The following AHNAK2 variants were observed in gnomAD, a reference collection of about 807,000 sequenced individuals.
AHNAK2 encodes the protein protein AHNAK2.
A neutral mutation model predicts 30.7 loss-of-function variants in AHNAK2; 18 were observed. The observed-to-expected ratio is 0.59, with a 90% CI of 0.41 to 0.87. AHNAK2 has a LOEUF of 0.87. AHNAK2 is among the 40% of genes least tolerant of loss of function. AHNAK2 has a pLI of 0.00. For missense variants in AHNAK2, 8,604 were observed against 7,373.0 expected, an observed-to-expected ratio of 1.17 and a Z score of -6.11; for synonymous variants, 3,590 against 3,073.8, an observed-to-expected ratio of 1.17 and a Z score of -5.56.
chr14:104,955,912 G>A (rs893532645), intron 4 of AHNAK2, among the ~76,000 whole-genome samples: 3 of 152,258 alleles, frequency 2.0e-5, no homozygotes, highest in Non-Finnish European at 4.4e-5. Flanking sequence ...AGGGCACCAG[G>A]AGCAGCGCAG....
At position 104,942,878 on chromosome 14, in the gene AHNAK2, C is replaced by G; in HGVS notation, c.12573G>C (p.Glu4191Asp). The G allele has an allele frequency of 1.2e-6, 2 of 1,612,910 alleles. No individual in the cohort carries two copies. The highest frequency in any genetic ancestry group is 1.3e-5 in the African/African-American group (1 of 74,780). ...TCACGTCCACTTGGCCAGCCTGGACCTCCAGGTCGGCGGAAGGGGACTGAA... is the reference window on the plus strand; with the variant it reads ...TCACGTCCACTTGGCCAGCCTGGACGTCCAGGTCGGCGGAAGGGGACTGAA... ...LSIQSPSADL[E>D]VQAGQVDVKL... The change falls in exon 7 of 7, where the codon GAG becomes GAC. Residue 4191 changes from glutamate to aspartate, a missense_variant. Transcript: ENST00000333244.
In AHNAK2 at chr14:104,939,926, G is replaced by A; in HGVS notation, c.15525C>T (p.Ser5175=). 1 of 1,612,324 alleles carries A rather than the reference G, an allele frequency of 6.2e-7. No homozygotes were observed. The highest frequency in any genetic ancestry group is 1.3e-5 in the African/African-American group (1 of 75,048). ...KPDAEVLTVE[S]PEEEAMTKYS... The stretch of plus-strand genomic sequence containing the variant: ...ACTTGGTCATGGCTTCCTCCTCTGG[G>A]CTTTCCACTGTGAGGACTTCAGCAT... The change falls in exon 7 of 7, where the codon AGC becomes AGT. Residue 5175 remains serine (S), a synonymous_variant. Coordinates refer to ENST00000333244, the MANE Select transcript of AHNAK2 (RefSeq NM_138420.4).
In AHNAK2 at chr14:104,942,432, T is replaced by C. The variant is rs1595392166; in HGVS notation, c.13019A>G (p.Asp4340Gly). 6.2e-7 allele frequency: 1 copy of C among 1,612,324 alleles called. No homozygotes were observed. Among genetic ancestry groups the C allele is most frequent in the Non-Finnish European group, 8.5e-7 (1 of 1,179,380 alleles). ...ADVSLPSMQG[D>G]LKTTHLSIQP... ...AATGCTGAGGTGAGTGGTCTTCAGGTCCCCCTGCATGGAGGGGAGGCTCAC... is the reference window on the plus strand; with the variant it reads ...AATGCTGAGGTGAGTGGTCTTCAGGCCCCCCTGCATGGAGGGGAGGCTCAC... The change falls in exon 7 of 7, where the codon GAC becomes GGC. Residue 4340 changes from aspartate to glycine, a missense_variant. By Grantham distance (94) the Asp-to-Gly change is moderately conservative (BLOSUM62 -1). Transcript: ENST00000333244.
rs774242491 is a variant in AHNAK2, at chr14:104,956,615, C to G, written c.288G>C (p.Arg96=). The change falls in exon 4 of 7, where the codon CGG becomes CGC. Residue 96 remains arginine (R), a synonymous_variant. Transcript: ENST00000333244. ...SWWKRDSGDS[R]TFFRMSRPEA... ...CTGGACGACTCATCCTGAAAAATGT[C>G]CGTGAGTCCCCTGAATCTCGCTTCC... 94 of 1,613,950 alleles carry G rather than the reference C, an allele frequency of 5.8e-5. No homozygotes were observed. The highest frequency in any genetic ancestry group is 4.9e-4 in the Middle Eastern group (3 of 6,062).
At position 104,940,973 on chromosome 14, in the gene AHNAK2, C is replaced by G. The variant is rs1384319480; in HGVS notation, c.14478G>C (p.Glu4826Asp). The G allele has an allele frequency of 6.2e-7, 1 of 1,613,100 alleles. No individual in the cohort carries two copies. The highest frequency in any genetic ancestry group is 1.3e-5 in the African/African-American group (1 of 74,920). ...CTGGAGGCTGCAGGTCAGTGGAGCA[C>G]TCTGTCTTGGGAAGAGGAATATCAG... ...SQADIPLPKT[E>D]CSTDLQPPEG... The change falls in exon 7 of 7, where the codon GAG becomes GAC. Residue 4826 changes from glutamate to aspartate, a missense_variant. Physicochemically the swap from Glu to Asp is conservative, Grantham distance 45. Transcript: ENST00000333244. This position sits in a 1 kb window ranked among gnomAD's most constrained non-coding sequence, Gnocchi z 4.4.
In AHNAK2 at chr14:104,945,145, G is replaced by A. The variant is rs1473860979; in HGVS notation, c.10306C>T (p.Leu3436=). Residue 3436 remains leucine, a synonymous_variant, in exon 7 of 7, where the codon CTG becomes TTG. Coordinates refer to ENST00000333244, the MANE Select transcript of AHNAK2 (RefSeq NM_138420.4). The part of the protein sequence containing the change: ...EVTVPDVEVS[L]PSVEVDVQAP... The stretch of plus-strand genomic sequence containing the variant: ...TGGACGTCCACCTCCACGCTGGGCA[G>A]AGACACCTCCACATCAGGGACTGTC... The A allele has an allele frequency of 6.2e-7, 1 of 1,613,306 alleles. No individual in the cohort carries two copies. The highest frequency in any genetic ancestry group is 1.1e-5 in the South Asian group (1 of 91,054).
rs1566897789 is a variant in AHNAK2 at position 104,941,990 on chromosome 14, A to G, written c.13461T>C (p.Asp4487=). 4 of 1,612,422 alleles carry G rather than the reference A, an allele frequency of 2.5e-6. No homozygotes were observed. Among genetic ancestry groups the G allele is most frequent in the Non-Finnish European group, 3.4e-6 (4 of 1,179,296 alleles). Residue 4487 remains aspartate, a synonymous_variant, in exon 7 of 7, where the codon GAT becomes GAC. Coordinates refer to ENST00000333244, the MANE Select transcript of AHNAK2 (RefSeq NM_138420.4). ...SPGKSIEVSV[D]VSAPKMEADM... is the part of the protein sequence containing the mutation. Reference sequence around the variant, plus strand: ...CGGCCTCCATCTTTGGCGCAGACACATCCACCGAGACCTCGATGGACTTGC... The same window carrying G: ...CGGCCTCCATCTTTGGCGCAGACACGTCCACCGAGACCTCGATGGACTTGC...
Position 104,954,369 on chromosome 14 carries a change from G to C in AHNAK2, c.1082C>G (p.Pro361Arg), listed in dbSNP as rs1232997618. 1.2e-6 allele frequency: 2 copies of C among 1,613,210 alleles called. No homozygotes were observed. The highest frequency in any genetic ancestry group is 3.3e-5 in the Admixed American group (2 of 60,014). Residue 361 changes from proline to arginine, a missense_variant, in exon 7 of 7, where the codon CCC (proline) becomes CGC (arginine). Coordinates refer to ENST00000333244, the MANE Select transcript of AHNAK2 (RefSeq NM_138420.4). This position sits in a 1 kb window ranked among gnomAD's most constrained non-coding sequence, Gnocchi z 4.3. Reference protein sequence around the residue: ...GRAGVLEELGPWGDSLEETGA... With the variant: ...GRAGVLEELGRWGDSLEETGA... The stretch of plus-strand genomic sequence containing the variant: ...AGTCTCCTCGAGGCTATCACCCCAG[G>C]GCCCCAACTCTTCCAGGACCCCAGC...
chr14:104,965,479 A>C (rs1899278205), intron 1 of AHNAK2, among the ~76,000 whole-genome samples: 1 of 151,994 alleles, frequency 6.6e-6, no homozygotes, highest in African/African-American at 2.4e-5. Flanking sequence ...CACAAAAAGG[A>C]CTCCAGTCTC....
At position 104,954,677 on chromosome 14, in the gene AHNAK2, C is replaced by T. The variant is rs556850949; in HGVS notation, c.774G>A (p.Arg258=). The change falls in exon 7 of 7, where the codon AGG becomes AGA. Residue 258 remains arginine (R), a synonymous_variant. Coordinates refer to ENST00000333244, the MANE Select transcript of AHNAK2 (RefSeq NM_138420.4). The surrounding 1 kb of genome is among the most constrained non-coding windows in gnomAD (Gnocchi z 4.3). ...TGGATTGAAATTTTGGCCAAGAGAG[C>T]CTCTCCCTCTGGCTCTGCCTGCCTC... ...VGRGRQSQRE[R]LSWPKFQSIK... The T allele has an allele frequency of 9.9e-6, 16 of 1,612,706 alleles. No homozygotes were observed. In the East Asian group the frequency reaches 2.9e-4, roughly 29 times the overall value.
chr14:104,944,383 G>A lies in AHNAK2; in HGVS notation c.11068C>T (p.Pro3690Ser), dbSNP rs755520354. 9.3e-6 allele frequency: 15 copies of A among 1,612,522 alleles called. No individual in the cohort carries two copies. The African/African-American group carries it at 1.1e-4, about 12-fold the overall frequency. ...DLKTTDLSIQPPSADLKVQAG... is the reference protein window; with the variant it reads ...DLKTTDLSIQSPSADLKVQAG... ...TGGACCTTCAGGTCGGCAGAAGGGG[G>A]CTGAATGCTGAGGTCAGTGGTCTTC... Residue 3690 changes from proline to serine, a missense_variant, in exon 7 of 7, where the codon CCC becomes TCC. Transcript: ENST00000333244.
At position 104,945,130 on chromosome 14, in the gene AHNAK2, C is replaced by T. The variant is rs1232596855; in HGVS notation, c.10321G>A (p.Val3441Met). 7 of 1,613,190 alleles carry T rather than the reference C, an allele frequency of 4.3e-6. No individual in the cohort carries two copies. The highest frequency in any genetic ancestry group is 5.9e-6 in the Non-Finnish European group (7 of 1,179,752). The change falls in exon 7 of 7, where the codon GTG (valine) becomes ATG (methionine). Residue 3441 changes from valine to methionine, a missense_variant. Coordinates refer to ENST00000333244, the MANE Select transcript of AHNAK2 (RefSeq NM_138420.4). ...TTGGCTCTCGGGGCCTGGACGTCCACCTCCACGCTGGGCAGAGACACCTCC... is the reference window on the plus strand; with the variant it reads ...TTGGCTCTCGGGGCCTGGACGTCCATCTCCACGCTGGGCAGAGACACCTCC... Reference protein sequence around the residue: ...DVEVSLPSVEVDVQAPRAKLD... With the variant: ...DVEVSLPSVEMDVQAPRAKLD...
rs201368031 is a variant in AHNAK2, at chr14:104,943,490, C to G, written c.11961G>C (p.Met3987Ile). 83 of 1,612,222 alleles carry G rather than the reference C, an allele frequency of 5.1e-5. No individual in the cohort carries two copies. Among genetic ancestry groups the G allele is most frequent in the African/African-American group, 1.6e-4 (12 of 74,426 alleles). Residue 3987 changes from methionine (M) to isoleucine (I), a missense_variant, in exon 7 of 7, where the codon ATG becomes ATC. By Grantham distance (10) the Met-to-Ile change is conservative. Coordinates refer to ENST00000333244, the MANE Select transcript of AHNAK2 (RefSeq NM_138420.4). ...SFGVSAPGKS[M>I]EASVDVTAPK... Reference sequence around the variant, plus strand: ...GCGCGGTCACATCCACTGATGCCTCCATGGACTTGCCTGGGGCAGACACCC... The same window carrying G: ...GCGCGGTCACATCCACTGATGCCTCGATGGACTTGCCTGGGGCAGACACCC...
chr14:104,955,607 C>T lies in AHNAK2; in HGVS notation c.342G>A (p.Thr114=), dbSNP rs768502128. Residue 114 remains threonine (T), a synonymous_variant, in exon 5 of 7, where the codon ACG becomes ACA. Transcript: ENST00000333244. ...CTCCTGCCTCCACCTCTGTCTTCAGCGTCACCTCTGTTGCCTCCTGGACAG... is the reference window on the plus strand; with the variant it reads ...CTCCTGCCTCCACCTCTGTCTTCAGTGTCACCTCTGTTGCCTCCTGGACAG... ...PEAVQEATEV[T]LKTEVEAGAS... The T allele has an allele frequency of 6.8e-6, 11 of 1,613,496 alleles. No homozygotes were observed. Among genetic ancestry groups the T allele is most frequent in the South Asian group, 4.4e-5 (4 of 91,036 alleles).
In AHNAK2 at chr14:104,949,383, C is replaced by T. The variant is rs1898518207; in HGVS notation, c.6068G>A (p.Ser2023Asn). The T allele has an allele frequency of 6.3e-7, 1 of 1,581,128 alleles. No individual in the cohort carries two copies. The highest frequency in any genetic ancestry group is 1.4e-5 in the African/African-American group (1 of 73,178). The change falls in exon 7 of 7, where the codon AGT becomes AAT. Residue 2023 changes from serine to asparagine, a missense_variant. Physicochemically the swap from Ser to Asn is conservative, Grantham distance 46. Coordinates refer to ENST00000333244, the MANE Select transcript of AHNAK2 (RefSeq NM_138420.4). ...CAGGTCCCCCTGCATGGAGGGGAGA[C>T]TCACGTCGGCCTCCACCTTGGGTGC... Reference protein sequence around the residue: ...VPAPKVEADVSLPSMQGDLKT... With the variant: ...VPAPKVEADVNLPSMQGDLKT...
intron 1 of AHNAK2, among the ~76,000 whole-genome samples, chr14:104,971,455 G>T (rs1035912319): frequency 6.6e-5 from 10 of 152,068 alleles, no homozygotes; most frequent in Non-Finnish European, 1.3e-4. Context: ...TCCCTGTGTT[G>T]CCCTGGCTAG....
rs1303723141 is a variant in AHNAK2 at position 104,942,114 on chromosome 14, T to A, written c.13337A>T (p.Glu4446Val). The A allele has an allele frequency of 3.1e-6, 5 of 1,613,310 alleles. No homozygotes were observed. Among genetic ancestry groups the A allele is most frequent in the Non-Finnish European group, 4.2e-6 (5 of 1,179,766 alleles). Reference sequence around the variant, plus strand: ...CTTGTCAGCCAGGGACAGGTCCCCCTCCAGCCGCGTACTGTCCAGCTTGGC... The same window carrying A: ...CTTGTCAGCCAGGGACAGGTCCCCCACCAGCCGCGTACTGTCCAGCTTGGC... ...PGAKLDSTRL[E>V]GDLSLADKDV... The change falls in exon 7 of 7, where the codon GAG becomes GTG. Residue 4446 changes from glutamate (E) to valine (V), a missense_variant. By Grantham distance (121) the Glu-to-Val change is moderately radical. Coordinates refer to ENST00000333244, the MANE Select transcript of AHNAK2 (RefSeq NM_138420.4).
intron 4 of AHNAK2, 90 bp from the exon 5 acceptor site, chr14:104,955,723 C>T: frequency 2.0e-6 from 3 of 1,485,496 alleles, no homozygotes; most frequent in East Asian, 2.3e-5. Context: ...AGAGGATGGG[C>T]ACCCCACCAT....
chr14:104,956,746 G>A lies in AHNAK2; in HGVS notation c.214-57C>T, dbSNP rs148113787. 25 of 1,538,532 alleles carry A rather than the reference G, an allele frequency of 1.6e-5. No individual in the cohort carries two copies. The Middle Eastern group carries it at 5.1e-4, about 31-fold the overall frequency. ...TGCCCCAGCTCAGGGACAGGGAGGG[G>A]CACAGGTAGGCTGGTGCCAGACCAG... On this transcript the variant is annotated intron_variant, in intron 3 of 6. Transcript: ENST00000333244.
Sources: allele counts gnomAD v4.1 joint callset (sites outside exome capture counted in the v4.1 genomes callset), GRCh38; gene constraint gnomAD v4.1.1; non-coding constraint Gnocchi (gnomAD v3.1); transcripts MANE v1.5; gene names NCBI Gene and HGNC (gene_info 2026-07-23, HGNC 2026-07-21).